Variants in CELF2 observed in about 807,000 individuals in gnomAD.
CELF2 encodes CUG triplet repeat RNA-binding protein 2.
Under a neutral mutation model 62.6 loss-of-function variants are expected in CELF2, and 8 were observed. That is an observed-to-expected ratio of 0.13 (90% CI 0.07 to 0.23). CELF2 has a LOEUF of 0.23. CELF2 is among the 10% of genes least tolerant of loss of function. CELF2 has a pLI of 1.00. For missense variants in CELF2, 333 were observed against 671.0 expected, an observed-to-expected ratio of 0.50 and a Z score of 5.56; for synonymous variants, 258 against 250.0, an observed-to-expected ratio of 1.03 and a Z score of -0.30.
chr10:10,573,453 A>G, the CELF2 span, among the ~76,000 whole-genome samples: 1 of 151,890 alleles, frequency 6.6e-6, no homozygotes, highest in African/African-American at 2.4e-5. Context: ...CTTGACTGCA[A>G]TGACTTTCAA....
At chr10:10,815,129 C>A (rs2056328947) in intron 1 of CELF2, among the ~76,000 whole-genome samples, 3 of 152,162 alleles carry the variant, frequency 2.0e-5, no homozygotes, top group Admixed American at 2.0e-4. Flanking sequence ...ACTTTAATTG[C>A]ATGTATGACT....
At position 10,971,238 on chromosome 10, in the gene CELF2, C is replaced by T. The variant is rs545626417; in HGVS notation, c.89+51239C>T. On this transcript the variant is annotated intron_variant, in intron 2 of 13. Coordinates refer to the CELF2 transcript ENST00000636488. ...CCTCCCAACTAGTGTGAAGCTCTTG[C>T]TCCTCTGAGTTCTCATAGACAGCTA... Among the ~76,000 whole-genome samples, 117 of 152,274 alleles carry T rather than the reference C, an allele frequency of 7.7e-4. 2 individuals carry two copies. Among genetic ancestry groups the T allele is most frequent in the Non-Finnish European group, 1.4e-3 (98 of 68,028 alleles).
the CELF2 span, among the ~76,000 whole-genome samples, chr10:10,759,953 T>C: frequency 5.3e-5 from 8 of 152,346 alleles, no homozygotes; most frequent in East Asian, 1.3e-3. Flanking sequence ...TTACACAGGC[T>C]GGAGTGCAGT....
At chr10:11,180,570 C>T (rs182312458) in intron 2 of CELF2, among the ~76,000 whole-genome samples, 1 of 152,266 alleles carries the variant, frequency 6.6e-6, no homozygotes, top group East Asian at 1.9e-4. Context: ...GACGCTATCT[C>T]CCAGTGACAG....
chr10:11,139,234 A>G (rs1178485741), intron 1 of CELF2, among the ~76,000 whole-genome samples: 1 of 152,228 alleles, frequency 6.6e-6, no homozygotes, highest in Non-Finnish European at 1.5e-5. Context: ...AACAATGAAG[A>G]AAACTATCAG....
rs138022596 is a variant in CELF2, at chr10:10,833,499, A to C, written c.53+34682A>C. On this transcript the variant is annotated intron_variant, in intron 1 of 13. Transcript: ENST00000636488. The stretch of plus-strand genomic sequence containing the variant: ...TTGCTGTAAATCAGTTAGAAAGTAG[A>C]TAATTAGGGGCAGGCAGCATTATCT... Among the ~76,000 whole-genome samples, 3 of 152,326 alleles carry C rather than the reference A, an allele frequency of 2.0e-5. No homozygotes were observed. The East Asian group carries it at 5.8e-4, about 29-fold the overall frequency.
the CELF2 span, among the ~76,000 whole-genome samples, chr10:10,747,799 AG>A: frequency 6.6e-6 from 1 of 152,150 alleles, no homozygotes; most frequent in African/African-American, 2.4e-5. Flanking sequence ...CTCCGCTTCC[AG>A]GGTTCATGCC....
chr10:11,241,695 A>G (rs571061599), intron 3 of CELF2, among the ~76,000 whole-genome samples: 2 of 152,148 alleles, frequency 1.3e-5, no homozygotes, highest in African/African-American at 4.8e-5. Context: ...ATTATTCCCC[A>G]TCTCTGCTAT....
At chr10:10,538,865 T>G in the CELF2 span, among the ~76,000 whole-genome samples, 2 of 152,236 alleles carry the variant, frequency 1.3e-5, no homozygotes. Context: ...CTAGTTCTGA[T>G]TTTCGTTAGC....
the CELF2 span, among the ~76,000 whole-genome samples, chr10:10,579,994 A>T: frequency 2.0e-5 from 3 of 152,138 alleles, no homozygotes; most frequent in Admixed American, 6.6e-5. Context: ...ATCTGGACTG[A>T]TGTGGAAATT....
the CELF2 span, among the ~76,000 whole-genome samples, chr10:10,565,900 A>G: frequency 2.0e-5 from 3 of 152,238 alleles, no homozygotes; most frequent in Non-Finnish European, 4.4e-5. Context: ...TCAGCAATTA[A>G]TGAGGCAGTG....
At chr10:10,507,214 T>A in the CELF2 span, among the ~76,000 whole-genome samples, 2 of 152,176 alleles carry the variant, frequency 1.3e-5, no homozygotes, top group Non-Finnish European at 2.9e-5. Flanking sequence ...AAAAACTGGC[T>A]GTTGTTACTT....
At chr10:10,786,428 A>G in the CELF2 span, among the ~76,000 whole-genome samples, 3 of 152,098 alleles carry the variant, frequency 2.0e-5, no homozygotes, top group Non-Finnish European at 4.4e-5. Flanking sequence ...GCCAACCATA[A>G]TACAGATCAG....
the CELF2 span, among the ~76,000 whole-genome samples, chr10:10,574,388 A>G: frequency 6.6e-6 from 1 of 152,174 alleles, no homozygotes; most frequent in South Asian, 2.1e-4. Flanking sequence ...CTGGGCAGGA[A>G]GAGATAATTG....
intron 1 of CELF2, among the ~76,000 whole-genome samples, chr10:10,814,213 C>CAAAAAA (rs2056217172): frequency 4.8e-5 from 1 of 20,996 alleles, no homozygotes; most frequent in Non-Finnish European, 8.0e-5. Context: ...AAGAAGAGTC[C>CAAAAAA]TAAAAAAAAA....
At position 11,301,903 on chromosome 10, in the gene CELF2, C is replaced by T. The variant is rs1014008233; in HGVS notation, c.977-12236C>T. On this transcript the variant is annotated intron_variant, in intron 9 of 12. Transcript: ENST00000633077. ...GAGGCCCTTGTCCAGCGCACTAGGG[C>T]CTGCACGTGGGCCTCATGTGGAGAG... 1.7e-4 allele frequency among the ~76,000 whole-genome samples: 26 copies of T among 152,064 alleles called. 1 individual carries two copies. Among genetic ancestry groups the T allele is most frequent in the Admixed American group, 5.9e-4 (9 of 15,286 alleles).
chr10:11,044,608 A>G (rs2062475842), intron 1 of CELF2, among the ~76,000 whole-genome samples: 1 of 152,308 alleles, frequency 6.6e-6, no homozygotes, highest in Non-Finnish European at 1.5e-5. Context: ...TATGATGGTA[A>G]TATTGTCATT....
Position 10,995,445 on chromosome 10 carries a change from G to T in CELF2, c.89+75446G>T, listed in dbSNP as rs1592854210. Among the ~76,000 whole-genome samples the T allele has an allele frequency of 6.6e-6, 1 of 152,142 alleles. No individual in the cohort carries two copies. Among genetic ancestry groups the T allele is most frequent in the Non-Finnish European group, 1.5e-5 (1 of 68,028 alleles). ...TACACAGAAATAAACCCAGTCACAG[G>T]GTGGGGATCACTGGAGAGTTTTGCA... On this transcript the variant is annotated intron_variant, in intron 2 of 13. Transcript: ENST00000636488. This position sits in a 1 kb window ranked among gnomAD's most constrained non-coding sequence, Gnocchi z 4.7.
chr10:11,138,169 A>C (rs929059709), intron 1 of CELF2, among the ~76,000 whole-genome samples: 4 of 152,238 alleles, frequency 2.6e-5, no homozygotes, highest in Admixed American at 2.0e-4. Flanking sequence ...AGAATATAGC[A>C]ATTTCCATAA....
Sources: gnomAD v4.1 joint callset for allele counts (sites outside exome capture counted in the v4.1 genomes callset) on GRCh38, gnomAD v4.1.1 for gene constraint, Gnocchi (gnomAD v3.1) non-coding constraint, MANE v1.5 for transcripts, NCBI Gene and HGNC (gene_info 2026-07-23, HGNC 2026-07-21) for gene names.